The following ZMIZ1 variants were observed in gnomAD, a reference collection of about 807,000 sequenced individuals.
ZMIZ1 encodes the protein zinc finger MIZ domain-containing protein 1.
Under a neutral mutation model 113.9 loss-of-function variants are expected in ZMIZ1, and 17 were observed. The observed-to-expected ratio is 0.15, with a 90% CI of 0.10 to 0.22. The LOEUF is 0.22. ZMIZ1 is among the 10% of genes least tolerant of loss of function. The pLI, the probability that ZMIZ1 is intolerant of heterozygous loss-of-function variation, is 1.00. For missense variants in ZMIZ1, 1,059 were observed against 1,477.8 expected, an observed-to-expected ratio of 0.72 and a Z score of 4.65; for synonymous variants, 607 against 603.1, an observed-to-expected ratio of 1.01 and a Z score of -0.09.
intron 3 of ZMIZ1, among the ~76,000 whole-genome samples, chr10:79,142,362 T>C (rs554434462): frequency 6.6e-6 from 1 of 152,040 alleles, no homozygotes; most frequent in South Asian, 2.1e-4. Flanking sequence ...TGTGTGGCGC[T>C]TGAGAGGGTC....
intron 8 of ZMIZ1, 131 bp downstream of exon 8, chr10:79,277,456 G>GT (rs1852372044): frequency 1.1e-5 from 13 of 1,210,124 alleles, no homozygotes; most frequent in Non-Finnish European, 1.4e-5. Flanking sequence ...AGGTGCAGTT[G>GT]TTTTTTTACA....
At chr10:79,212,755 C>CA (rs531542235) in intron 6 of ZMIZ1, among the ~76,000 whole-genome samples, 11,622 of 113,784 alleles carry the variant, frequency 0.1, 778 homozygotes, top group African/African-American at 0.23. Context: ...GACTCTGTCT[C>CA]AAAAAAAAAA....
At chr10:79,101,320 T>C (rs11595891) in intron 1 of ZMIZ1, among the ~76,000 whole-genome samples, 99,402 of 151,886 alleles carry the variant, frequency 0.65, 32,713 homozygotes, top group Non-Finnish European at 0.69. Context: ...GGGAAGTTCC[T>C]AGTCTGGAAG....
At chr10:79,076,155 T>C (rs1473605592) in intron 1 of ZMIZ1, among the ~76,000 whole-genome samples, 1 of 152,182 alleles carries the variant, frequency 6.6e-6, no homozygotes, top group Non-Finnish European at 1.5e-5. Flanking sequence ...CCCAGGAAAC[T>C]GAACCATGGA....
At chr10:79,209,894 G>A (rs2132687888) in intron 6 of ZMIZ1, among the ~76,000 whole-genome samples, 1 of 152,316 alleles carries the variant, frequency 6.6e-6, no homozygotes, top group East Asian at 1.9e-4. Context: ...TTGGCCATTA[G>A]GGATGCCAGA....
intron 1 of ZMIZ1, among the ~76,000 whole-genome samples, chr10:79,099,359 T>G (rs1195712449): frequency 6.6e-6 from 1 of 152,082 alleles, no homozygotes; most frequent in Non-Finnish European, 1.5e-5. Flanking sequence ...CCAGGCTGCC[T>G]TTGAAAAGGT....
At chr10:79,205,921 A>T (rs1265723300) in intron 5 of ZMIZ1, among the ~76,000 whole-genome samples, 1 of 152,122 alleles carries the variant, frequency 6.6e-6, no homozygotes, top group Non-Finnish European at 1.5e-5. Context: ...ACATAGCAAG[A>T]CGTCGTCTCT....
chr10:79,281,847 G>T (rs1852760385), intron 8 of ZMIZ1, among the ~76,000 whole-genome samples: 1 of 152,228 alleles, frequency 6.6e-6, no homozygotes, highest in African/African-American at 2.4e-5. Flanking sequence ...CCAGTAAAGG[G>T]CAGAGGAAGA....
At position 79,090,179 on chromosome 10, in the gene ZMIZ1, G is replaced by A. The variant is rs149014633; in HGVS notation, c.-337+20909G>A. 4.0e-3 allele frequency among the ~76,000 whole-genome samples: 613 copies of A among 152,330 alleles called. 15 individuals are homozygous for A. The highest frequency in any genetic ancestry group is 0.035 in the Admixed American group (540 of 15,310). On this transcript the variant is annotated intron_variant, in intron 1 of 24. Coordinates refer to ENST00000334512, the MANE Select transcript of ZMIZ1 (RefSeq NM_020338.4). The stretch of plus-strand genomic sequence containing the variant: ...TTGAGTTTAGCTGCCCCATTTTACA[G>A]GTGGGAAAACAATCCCTGGAGAGGG...
At chr10:79,137,900 G>C (rs990165409) in intron 2 of ZMIZ1, among the ~76,000 whole-genome samples, 5 of 152,148 alleles carry the variant, frequency 3.3e-5, no homozygotes, top group African/African-American at 9.7e-5. Context: ...CTCGGCCCGG[G>C]CTCTGACAGG....
Position 79,246,245 on chromosome 10 carries a change from G to A in ZMIZ1, c.280+29971G>A, listed in dbSNP as rs557260638. Among the ~76,000 whole-genome samples the A allele has an allele frequency of 7.2e-5, 11 of 152,362 alleles. No homozygotes were observed. The South Asian group carries it at 1.4e-3, about 20-fold the overall frequency. ...CCAGCAGAGGTCAGCCAGGGGGCAC[G>A]AGTGGGCAGCGGTCCCAGGAGCAGC... is the stretch of plus-strand genomic sequence containing the variant. On this transcript the variant is annotated intron_variant, in intron 7 of 24. Coordinates refer to ENST00000334512, the MANE Select transcript of ZMIZ1 (RefSeq NM_020338.4).
At chr10:79,079,112 G>A (rs1227171656) in intron 1 of ZMIZ1, among the ~76,000 whole-genome samples, 3 of 152,188 alleles carry the variant, frequency 2.0e-5, no homozygotes, top group South Asian at 2.1e-4. Flanking sequence ...CACTTTTGCT[G>A]GCCTCCTTGT....
chr10:79,265,121 G>A (rs1851511747), intron 7 of ZMIZ1, among the ~76,000 whole-genome samples: 1 of 152,208 alleles, frequency 6.6e-6, no homozygotes, highest in Non-Finnish European at 1.5e-5. Context: ...CACGCCTCGA[G>A]GCTCCCAGTT....
At chr10:79,144,390 C>T (rs1283603932) in intron 3 of ZMIZ1, among the ~76,000 whole-genome samples, 1 of 152,198 alleles carries the variant, frequency 6.6e-6, no homozygotes, top group African/African-American at 2.4e-5. Flanking sequence ...TAGACTGCCT[C>T]CCCACTGGCC....
At chr10:79,164,940 T>A (rs1029862898) in intron 4 of ZMIZ1, among the ~76,000 whole-genome samples, 4 of 152,136 alleles carry the variant, frequency 2.6e-5, no homozygotes, top group African/African-American at 9.7e-5. Context: ...TGGACGAGGA[T>A]ACAGGCGCTG....
At chr10:79,222,365 C>T (rs1404465525) in intron 7 of ZMIZ1, among the ~76,000 whole-genome samples, 1 of 152,182 alleles carries the variant, frequency 6.6e-6, no homozygotes, top group Non-Finnish European at 1.5e-5. Context: ...CCATCCTTCT[C>T]TATTGTCTCA....
At chr10:79,137,500 C>T (rs1845055567) in intron 2 of ZMIZ1, among the ~76,000 whole-genome samples, 2 of 152,218 alleles carry the variant, frequency 1.3e-5, no homozygotes, top group Admixed American at 1.3e-4. Flanking sequence ...CCCACTCCCC[C>T]TCGGTATGTG....
intron 24 of ZMIZ1, among the ~76,000 whole-genome samples, chr10:79,311,797 G>A (rs1009750854): frequency 6.6e-6 from 1 of 152,100 alleles, no homozygotes; most frequent in Admixed American, 6.5e-5. Flanking sequence ...GGGTCACCCT[G>A]GATGATGGGG....
intron 4 of ZMIZ1, among the ~76,000 whole-genome samples, chr10:79,192,862 C>T (rs1847663970): frequency 6.6e-6 from 1 of 152,184 alleles, no homozygotes; most frequent in Non-Finnish European, 1.5e-5. Flanking sequence ...GGGCCTGCTC[C>T]AGTTGTCCTG....
Sources: allele counts gnomAD v4.1 joint callset (sites outside exome capture counted in the v4.1 genomes callset), GRCh38; gene constraint gnomAD v4.1.1; transcripts MANE v1.5; gene names NCBI Gene and HGNC (gene_info 2026-07-23, HGNC 2026-07-21).